The following ABI2 variants were observed in gnomAD, a reference collection of about 807,000 sequenced individuals.
ABI2 encodes the protein abl interactor 2, also known as abelson interactor 2.
ABI2 carries 25 observed loss-of-function variants against 59.2 expected under a neutral mutation model. That is an observed-to-expected ratio of 0.42 (90% confidence interval 0.31 to 0.59). The LOEUF is 0.59. Ranked by LOEUF, ABI2 falls within the 20% of genes least tolerant of loss-of-function variation. The probability of loss-of-function intolerance (pLI) is 0.14; values close to 1 mark genes in which losing one functional copy is unlikely to be tolerated. For synonymous variants in ABI2, 213 were observed against 235.5 expected, an observed-to-expected ratio of 0.90 and a Z score of 0.87; for missense variants, 545 against 681.8, an observed-to-expected ratio of 0.80 and a Z score of 2.23.
At chr2:203,419,766 A>C (rs1315230290) in intron 11 of ABI2, among the ~76,000 whole-genome samples, 1 of 152,036 alleles carries the variant, frequency 6.6e-6, no homozygotes, top group Non-Finnish European at 1.5e-5. Context: ...AGGCGGGCCG[A>C]ACACCTGAGG....
chr2:203,389,217 G>T (rs957758609), intron 4 of ABI2, among the ~76,000 whole-genome samples: 6 of 152,042 alleles, frequency 3.9e-5, no homozygotes, highest in Non-Finnish European at 7.4e-5. Context: ...TTAATGAGAG[G>T]GAGAGCAAGG....
chr2:203,380,523 T>C (rs2096050022), intron 3 of ABI2, 139 bp downstream of exon 3: 2 of 498,724 alleles, frequency 4.0e-6, no homozygotes, highest in Non-Finnish European at 6.7e-6. Flanking sequence ...GATTCCTTGC[T>C]ACTATAACTG....
intron 4 of ABI2, among the ~76,000 whole-genome samples, chr2:203,383,482 A>G (rs1211086825): frequency 6.6e-6 from 1 of 152,228 alleles, no homozygotes; most frequent in African/African-American, 2.4e-5. Context: ...TGATAGAAAT[A>G]CACGGAAAGT....
At chr2:203,402,494 A>T (rs1579573710) in intron 8 of ABI2, 82 bp from the exon 9 acceptor site, 2 of 1,062,822 alleles carry the variant, frequency 1.9e-6, no homozygotes, top group East Asian at 6.1e-5. Context: ...AATTCTTAAG[A>T]TTTAGGCATT....
intron 5 of ABI2, among the ~76,000 whole-genome samples, chr2:203,393,203 C>T (rs55692341): frequency 0.44 from 67,407 of 151,968 alleles, 16,806 homozygotes; most frequent in Middle Eastern, 0.7. Flanking sequence ...TACAGGTGTG[C>T]GCCACCATTC....
intron 1 of ABI2, among the ~76,000 whole-genome samples, chr2:203,338,109 A>C (rs1296519271): frequency 6.6e-6 from 1 of 152,206 alleles, no homozygotes; most frequent in African/African-American, 2.4e-5. Flanking sequence ...GGAGCCCGGA[A>C]ATGTAGCCAC....
At position 203,432,009 on chromosome 2, in the gene ABI2, A is replaced by C. The variant is rs1263885332; in HGVS notation, c.*4657A>C. On this transcript the variant is annotated 3_prime_UTR_variant, in exon 12 of 12. Coordinates refer to ENST00000261018, the MANE Select transcript of ABI2 (RefSeq NM_001375670.1). Reference sequence around the variant, plus strand: ...ATTATGAGTTGAGTAAAAACCATCCAGGGGAACTTGAGGGAGCAGTCTGTT... The same window carrying C: ...ATTATGAGTTGAGTAAAAACCATCCCGGGGAACTTGAGGGAGCAGTCTGTT... 6.6e-6 allele frequency: 1 copy of C among 152,150 alleles called. No homozygotes were observed. The highest frequency in any genetic ancestry group is 1.5e-5 in the Non-Finnish European group (1 of 68,028). The allele number at this position is 152,150 out of a possible 1,614,324, so 9.4% of individuals were successfully genotyped here.
At chr2:203,368,601 A>G (rs924793916) in intron 2 of ABI2, among the ~76,000 whole-genome samples, 23 of 152,130 alleles carry the variant, frequency 1.5e-4, no homozygotes, top group Admixed American at 8.5e-4. Flanking sequence ...GAGATTTCTT[A>G]TTTAATATTA....
intron 1 of ABI2, among the ~76,000 whole-genome samples, chr2:203,360,336 A>G (rs1328254613): frequency 6.6e-6 from 1 of 152,178 alleles, no homozygotes; most frequent in Non-Finnish European, 1.5e-5. Context: ...TATCAATGAT[A>G]AAGGTTCTTA....
At chr2:203,408,999 C>T (rs1040763223) in intron 9 of ABI2, among the ~76,000 whole-genome samples, 50 of 149,886 alleles carry the variant, frequency 3.3e-4, no homozygotes, top group African/African-American at 1.0e-3. Context: ...CCACCGCGCC[C>T]GGCTAATTTT....
chr2:203,377,778 C>T (rs933106967), intron 2 of ABI2, among the ~76,000 whole-genome samples: 2 of 152,136 alleles, frequency 1.3e-5, no homozygotes, highest in Admixed American at 1.3e-4. Context: ...TGGTGGAACA[C>T]GCCTGTAGTC....
chr2:203,338,269 T>A (rs1319989196), intron 1 of ABI2, among the ~76,000 whole-genome samples: 2 of 152,186 alleles, frequency 1.3e-5, no homozygotes, highest in Non-Finnish European at 2.9e-5. Flanking sequence ...TAGAAATGGA[T>A]TAAAGACTTA....
intron 1 of ABI2, chr2:203,351,584 G>A (rs1214645643): frequency 6.9e-6 from 3 of 435,478 alleles, no homozygotes; most frequent in African/African-American, 6.3e-5. Context: ...CATGCAGGCT[G>A]GAATGCAGTG....
At chr2:203,401,121 C>T (rs1300858330) in intron 8 of ABI2, among the ~76,000 whole-genome samples, 1 of 151,910 alleles carries the variant, frequency 6.6e-6, no homozygotes, top group Non-Finnish European at 1.5e-5. Flanking sequence ...CCCTCTTCTC[C>T]AGTAGGCTGA....
At chr2:203,360,660 A>G (rs1160544996) in intron 1 of ABI2, among the ~76,000 whole-genome samples, 2 of 152,222 alleles carry the variant, frequency 1.3e-5, no homozygotes, top group Admixed American at 6.5e-5. Context: ...TTGCCTAGAG[A>G]TCAGTCTAAC....
At chr2:203,384,986 C>A (rs888746833) in intron 4 of ABI2, among the ~76,000 whole-genome samples, 3 of 151,852 alleles carry the variant, frequency 2.0e-5, no homozygotes, top group Admixed American at 1.3e-4. Context: ...AGGTGCCTGC[C>A]ACCACGCCTG....
chr2:203,384,844 C>G (rs902090948), intron 4 of ABI2, among the ~76,000 whole-genome samples: 1 of 120,698 alleles, frequency 8.3e-6, no homozygotes, highest in Non-Finnish European at 1.8e-5. Context: ...TTCTTTTTTT[C>G]TTTTTTTTGA....
intron 11 of ABI2, among the ~76,000 whole-genome samples, chr2:203,417,419 G>T (rs992053095): frequency 6.6e-6 from 1 of 152,124 alleles, no homozygotes; most frequent in African/African-American, 2.4e-5. Context: ...ACATTAGTTT[G>T]TGTCACCTTA....
chr2:203,353,542 T>C (rs1422354210), intron 1 of ABI2, among the ~76,000 whole-genome samples: 1 of 152,164 alleles, frequency 6.6e-6, no homozygotes, highest in Non-Finnish European at 1.5e-5. Context: ...TGCAGTGGCA[T>C]GGTCTTCTCT....
Sources: gnomAD v4.1 joint callset for allele counts (sites outside exome capture counted in the v4.1 genomes callset) on GRCh38, gnomAD v4.1.1 for gene constraint, MANE v1.5 for transcripts, NCBI Gene and HGNC (gene_info 2026-07-23, HGNC 2026-07-21) for gene names.